PKD1L3: variants seen among roughly 807,000 people sequenced by gnomAD.
PKD1L3 encodes the protein polycystin-1-like protein 3.
In PKD1L3, 239 loss-of-function variants were observed where a neutral mutation model predicts 184.1. That is an observed-to-expected ratio of 1.30 (90% CI 1.17 to 1.45). PKD1L3 has a LOEUF of 1.45. PKD1L3 is among the 40% of genes most tolerant of loss of function. PKD1L3 has a pLI of 0.00. For synonymous variants in PKD1L3, 996 were observed against 778.8 expected (o/e 1.28, Z -4.64); for missense variants, 2,660 against 2,067.2 (o/e 1.29, Z -5.56).
chr16:71,943,916 G>T (rs1409598217), intron 23 of PKD1L3, 114 bp downstream of exon 23: 1 of 1,268,658 alleles, frequency 7.9e-7, no homozygotes, highest in Non-Finnish European at 1.1e-6. Context: ...ACAGGGTGAA[G>T]ATTTTAAAAG....
In PKD1L3 at chr16:71,950,295, T is replaced by C. The variant is rs1461959615; in HGVS notation, c.3206A>G (p.His1069Arg). Reference protein sequence around the residue: ...RHWARVVPENHHHFCCYLHRV... With the variant: ...RHWARVVPENRHHFCCYLHRV... ...ATGCAGGTAACAGCAGAAATGATGG[T>C]GGTTTTCAGGAACAACTGAAAATAT... is the stretch of plus-strand genomic sequence containing the variant. Residue 1069 changes from histidine to arginine, a missense_variant, in exon 20 of 30, where the codon CAC (histidine) becomes CGC (arginine). Coordinates refer to ENST00000620267, the MANE Select transcript of PKD1L3 (RefSeq NM_181536.2). 1.3e-6 allele frequency: 2 copies of C among 1,521,258 alleles called. No homozygotes were observed. The highest frequency in any genetic ancestry group is 1.4e-5 in the African/African-American group (1 of 71,740). The allele number at this position is 1,521,258 out of a possible 1,614,324, so 94.2% of individuals were successfully genotyped here.
chr16:71,953,992 G>T (rs1386408863), intron 17 of PKD1L3, 113 bp downstream of exon 17: 54 of 867,820 alleles, frequency 6.2e-5, no homozygotes, highest in Non-Finnish European at 8.9e-5. Flanking sequence ...GAGGCAGGAG[G>T]ATCACTTGAG....
intron 2 of PKD1L3, among the ~76,000 whole-genome samples, chr16:71,994,052 G>A (rs1227722052): frequency 6.6e-6 from 1 of 152,210 alleles, no homozygotes; most frequent in East Asian, 1.9e-4. Flanking sequence ...TTACAGGTGT[G>A]AGCCACCACG....
intron 2 of PKD1L3, among the ~76,000 whole-genome samples, chr16:71,995,147 T>C (rs188922257): frequency 2.6e-5 from 4 of 152,230 alleles, no homozygotes; most frequent in East Asian, 1.9e-4. Context: ...CACTGGCACT[T>C]GGAGTTGGGG....
intron 2 of PKD1L3, among the ~76,000 whole-genome samples, chr16:71,996,951 ATTTTT>A (rs35603184): frequency 2.3e-5 from 3 of 129,594 alleles, no homozygotes; most frequent in African/African-American, 3.0e-5. Flanking sequence ...AATTGCTTTG[ATTTTT>A]TTTTTTTTTT....
chr16:71,932,780 C>CTTT (rs71153681), intron 28 of PKD1L3, among the ~76,000 whole-genome samples: 60 of 97,002 alleles, frequency 6.2e-4, no homozygotes, highest in Non-Finnish European at 8.6e-4. Flanking sequence ...CGCACCTGGC[C>CTTT]TTTTTTTTTT....
chr16:71,955,574 C>G (rs1290217952), intron 16 of PKD1L3, among the ~76,000 whole-genome samples: 4 of 151,960 alleles, frequency 2.6e-5, no homozygotes, highest in Non-Finnish European at 2.9e-5. Context: ...CTCATTGCAA[C>G]CTCCATCCCC....
chr16:71,997,575 C>T (rs914674393), intron 2 of PKD1L3, among the ~76,000 whole-genome samples: 3 of 151,820 alleles, frequency 2.0e-5, no homozygotes, highest in African/African-American at 7.3e-5. Context: ...ATGGAGAAAC[C>T]CCATCTCTAC....
At position 71,949,844 on chromosome 16, in the gene PKD1L3, C is replaced by T; in HGVS notation, c.3557G>A (p.Ser1186Asn). 1 of 1,551,548 alleles carries T rather than the reference C, an allele frequency of 6.4e-7. No individual in the cohort carries two copies. Among genetic ancestry groups the T allele is most frequent in the South Asian group, 1.2e-5 (1 of 84,060 alleles). Residue 1186 changes from serine (S) to asparagine (N), a missense_variant, in exon 21 of 30, where the codon AGC becomes AAC. Physicochemically the swap from Ser to Asn is conservative, Grantham distance 46. Coordinates refer to ENST00000620267, the MANE Select transcript of PKD1L3 (RefSeq NM_181536.2). Reference sequence around the variant, plus strand: ...TGATAAAATAATTGAAATCATCCAGCTGGTGGCTTGGTCTTTGCTCAATTC... The same window carrying T: ...TGATAAAATAATTGAAATCATCCAGTTGGTGGCTTGGTCTTTGCTCAATTC... Reference protein sequence around the residue: ...SLELSKDQATSWMISIILSVL... With the variant: ...SLELSKDQATNWMISIILSVL...
At position 71,973,412 on chromosome 16, in the gene PKD1L3, G is replaced by A. The variant is rs1248136532; in HGVS notation, c.1865C>T (p.Thr622Ile). 1 of 1,551,558 alleles carries A rather than the reference G, an allele frequency of 6.4e-7. No homozygotes were observed. Among genetic ancestry groups the A allele is most frequent in the Non-Finnish European group, 8.7e-7 (1 of 1,147,022 alleles). ...LSERQEGAQQ[T>I]PSLVSVITAV... ...GGTGATGACCGAGACCAAGCTGGGT[G>A]TCTGCTGAGCACCCTCCTGCCTCTC... is the stretch of plus-strand genomic sequence containing the variant. The change falls in exon 12 of 30, where the codon ACA (threonine) becomes ATA (isoleucine). Residue 622 changes from threonine (T) to isoleucine (I), a missense_variant. Thr to Ile is a moderately conservative substitution (Grantham distance 89). Transcript: ENST00000620267.
chr16:71,973,654 A>C, intron 11 of PKD1L3, 137 bp from the exon 12 acceptor site: 1 of 847,088 alleles, frequency 1.2e-6, no homozygotes, highest in Non-Finnish European at 1.8e-6. Flanking sequence ...ATTTGAAAGA[A>C]AATGACCAGT....
Position 71,982,242 on chromosome 16 carries a change from G to T in PKD1L3, c.967-7C>A. The T allele has an allele frequency of 7.0e-7, 1 of 1,425,966 alleles. No individual in the cohort carries two copies. The highest frequency in any genetic ancestry group is 9.4e-7 in the Non-Finnish European group (1 of 1,064,170). 88.3% of individuals were successfully genotyped at this position (1,425,966 alleles called of 1,614,324 possible). A position where few individuals can be genotyped will look rare whatever the true frequency, so the allele number is the denominator to read the frequency against. ...GGGAATTGATGAGATTAACCTGGGAGGATTAGAAAGCAAACATACACCCTT... is the reference window on the plus strand; with the variant it reads ...GGGAATTGATGAGATTAACCTGGGATGATTAGAAAGCAAACATACACCCTT... On this transcript the variant is annotated splice_region_variant and splice_polypyrimidine_tract_variant and intron_variant, in intron 6 of 29. Coordinates refer to ENST00000620267, the MANE Select transcript of PKD1L3 (RefSeq NM_181536.2).
Position 71,942,782 on chromosome 16 carries a change from G to A in PKD1L3, c.4102C>T (p.Gln1368Ter). 6.4e-7 allele frequency: 1 copy of A among 1,551,586 alleles called. No individual in the cohort carries two copies. The highest frequency in any genetic ancestry group is 1.2e-5 in the South Asian group (1 of 84,062). ...TCATAGGTCTTGGTACGGGGTATTT[G>A]GAAAATTAATTGTACCCCACATTTG... Reference protein sequence around the residue: ...HCKCGVQLIFQIPRTKTYEKV... With the variant: ...HCKCGVQLIF Residue 1368 changes from glutamine to a stop codon, truncating the protein, a stop_gained, in exon 24 of 30, where the codon CAA (glutamine) becomes TAA (stop). Transcript: ENST00000620267. LOFTEE classifies it high-confidence loss of function.
At chr16:71,985,757 A>G (rs1217197462) in intron 5 of PKD1L3, among the ~76,000 whole-genome samples, 1 of 152,136 alleles carries the variant, frequency 6.6e-6, no homozygotes, top group Non-Finnish European at 1.5e-5. Flanking sequence ...TAGTAGAGAA[A>G]GGTCTTGCTA....
In PKD1L3 at chr16:71,949,962, T is replaced by A. The variant is rs985201209; in HGVS notation, c.3439A>T (p.Asn1147Tyr). The change falls in exon 21 of 30, where the codon AAT becomes TAT. Residue 1147 changes from asparagine (N) to tyrosine (Y), a missense_variant. By Grantham distance (143) the Asn-to-Tyr change is moderately radical. Coordinates refer to ENST00000620267, the MANE Select transcript of PKD1L3 (RefSeq NM_181536.2). ...GAAGTCAACCATTTGGACAGGCCAT[T>A]TGAGATGGGCTTTTTTCCTTCTTCT... ...SSEEGKKPISNGLSKWLTSVC... is the reference protein window; with the variant it reads ...SSEEGKKPISYGLSKWLTSVC... 10 of 1,551,502 alleles carry A rather than the reference T, an allele frequency of 6.4e-6. No individual in the cohort carries two copies. The African/African-American group carries it at 1.2e-4, about 19-fold the overall frequency.
chr16:71,942,533 T>C, intron 24 of PKD1L3, 27 bp downstream of exon 24: 1 of 1,524,726 alleles, frequency 6.6e-7, no homozygotes, highest in Non-Finnish European at 8.9e-7. Flanking sequence ...CTACGTGTGG[T>C]TGAATTCCAG....
In PKD1L3 at chr16:71,970,084, G is replaced by C. The variant is rs368777666; in HGVS notation, c.1975C>G (p.Leu659Val). The change falls in exon 13 of 30, where the codon CTG (leucine) becomes GTG (valine). Residue 659 changes from leucine (L) to valine (V), a missense_variant. Physicochemically the swap from Leu to Val is conservative, Grantham distance 32. Coordinates refer to ENST00000620267, the MANE Select transcript of PKD1L3 (RefSeq NM_181536.2). The part of the protein sequence containing the change: ...GCQVGPQSTI[L>V]RTQCLCNHLT... ...TGGTTACAGAGACACTGTGTCCTCA[G>C]AATTGTGCTCTGTGGCCCAACCTGG... 4.5e-6 allele frequency: 7 copies of C among 1,551,648 alleles called. No individual in the cohort carries two copies. Among genetic ancestry groups the C allele is most frequent in the Non-Finnish European group, 6.1e-6 (7 of 1,146,978 alleles).
intron 18 of PKD1L3, 51 bp from the exon 19 acceptor site, chr16:71,951,795 G>C: frequency 6.7e-7 from 1 of 1,486,232 alleles, no homozygotes; most frequent in Non-Finnish European, 9.1e-7. Flanking sequence ...ATTAACCCAG[G>C]ATTTGTACCA....
intron 17 of PKD1L3, 88 bp downstream of exon 17, chr16:71,954,017 A>G (rs1369250573): frequency 2.6e-6 from 3 of 1,171,096 alleles, no homozygotes; most frequent in Non-Finnish European, 3.4e-6. Flanking sequence ...GGAGTTCTAG[A>G]CCAGCCTGGG....
Sources: allele counts gnomAD v4.1 joint callset (sites outside exome capture counted in the v4.1 genomes callset), GRCh38; gene constraint gnomAD v4.1.1; transcripts MANE v1.5; gene names NCBI Gene and HGNC (gene_info 2026-07-23, HGNC 2026-07-21).